The following PTPRD variants were observed in gnomAD, a reference collection of about 807,000 sequenced individuals.
PTPRD encodes protein tyrosine phosphatase receptor type D, also known as receptor-type tyrosine-protein phosphatase delta.
A neutral mutation model predicts 214.5 loss-of-function variants in PTPRD; 34 were observed. The observed-to-expected ratio is 0.16, with a 90% confidence interval of 0.12 to 0.21. PTPRD has a LOEUF of 0.21. PTPRD is among the 10% of genes least tolerant of loss of function. PTPRD has a pLI of 1.00. For missense variants in PTPRD, 2,545 were observed against 2,398.7 expected (o/e 1.06, Z -1.27); for synonymous variants, 1,128 against 845.7 (o/e 1.33, Z -5.79).
rs541096977 is a variant in PTPRD at position 8,973,200 on chromosome 9, A to G, written c.-104+45497T>C. On this transcript the variant is annotated intron_variant, in intron 11 of 45. Coordinates refer to ENST00000381196, the MANE Select transcript of PTPRD (RefSeq NM_002839.4). ...ATAATACTCAATAGGTAGTTTTTCAACCCACTCCCTCCTCCTTCTCTCCTC... is the reference window on the plus strand; with the variant it reads ...ATAATACTCAATAGGTAGTTTTTCAGCCCACTCCCTCCTCCTTCTCTCCTC... Among the ~76,000 whole-genome samples, 255 of 151,990 alleles carry G rather than the reference A, an allele frequency of 1.7e-3. 1 individual carries two copies. The highest frequency in any genetic ancestry group is 5.9e-3 in the African/African-American group (245 of 41,504).
At chr9:10,366,822 T>C (rs1332969098) in intron 2 of PTPRD, among the ~76,000 whole-genome samples, 1 of 152,178 alleles carries the variant, frequency 6.6e-6, no homozygotes, top group East Asian at 1.9e-4. Flanking sequence ...TAATTCTCCT[T>C]GGCAAAACTG....
At chr9:10,296,297 C>A (rs898539962) in intron 3 of PTPRD, among the ~76,000 whole-genome samples, 1 of 151,816 alleles carries the variant, frequency 6.6e-6, no homozygotes, top group African/African-American at 2.4e-5. Context: ...AGAAATTGAC[C>A]CTTCTGGTAT....
In PTPRD at chr9:9,667,460, A is replaced by G. The variant is rs573398432; in HGVS notation, c.-287+67073T>C. On this transcript the variant is annotated intron_variant, in intron 7 of 45. Coordinates refer to ENST00000381196, the MANE Select transcript of PTPRD (RefSeq NM_002839.4). Reference sequence around the variant, plus strand: ...TCACTGGTTTGCCCGAAAGTCATAAAATAGTTTATGTTCATTCATTTTACA... The same window carrying G: ...TCACTGGTTTGCCCGAAAGTCATAAGATAGTTTATGTTCATTCATTTTACA... Among the ~76,000 whole-genome samples the G allele has an allele frequency of 2.8e-3, 432 of 152,270 alleles. 2 individuals are homozygous for G. Among genetic ancestry groups the G allele is most frequent in the African/African-American group, 9.8e-3 (408 of 41,574 alleles).
intron 44 of PTPRD, among the ~76,000 whole-genome samples, chr9:8,323,994 C>G (rs925502575): frequency 3.3e-5 from 5 of 152,116 alleles, no homozygotes; most frequent in East Asian, 1.9e-4. Context: ...CCACCTCACC[C>G]TTCAGAAACC....
chr9:9,125,665 C>T (rs1197086346), intron 10 of PTPRD, among the ~76,000 whole-genome samples: 4 of 152,172 alleles, frequency 2.6e-5, no homozygotes, highest in Non-Finnish European at 4.4e-5. Context: ...GTGAGAATCA[C>T]TGATCTAAAC....
chr9:9,894,812 T>C (rs1411355811), intron 5 of PTPRD, among the ~76,000 whole-genome samples: 1 of 152,114 alleles, frequency 6.6e-6, no homozygotes, highest in East Asian at 1.9e-4. Context: ...TACACGGTAA[T>C]AAGTGTTTTT....
At chr9:9,927,117 C>G (rs533232402) in intron 5 of PTPRD, among the ~76,000 whole-genome samples, 1 of 152,136 alleles carries the variant, frequency 6.6e-6, no homozygotes, top group East Asian at 1.9e-4. Flanking sequence ...TTGTAATAAC[C>G]ATTATATACT....
At chr9:9,632,687 A>C (rs66515335) in intron 7 of PTPRD, among the ~76,000 whole-genome samples, 3 of 151,978 alleles carry the variant, frequency 2.0e-5, no homozygotes, top group Non-Finnish European at 4.4e-5. Flanking sequence ...TTTTATGTAG[A>C]ACATAAACCC....
At chr9:9,010,929 G>A (rs947584314) in intron 11 of PTPRD, among the ~76,000 whole-genome samples, 2 of 152,080 alleles carry the variant, frequency 1.3e-5, no homozygotes, top group Non-Finnish European at 2.9e-5. Context: ...CCTCACGAAA[G>A]TATGAATAAA....
chr9:10,031,625 C>CAT (rs1171466919), intron 4 of PTPRD, among the ~76,000 whole-genome samples: 2,795 of 87,040 alleles, frequency 0.032, 185 homozygotes, highest in Admixed American at 0.059. Context: ...TAAAAAACTC[C>CAT]ATATATATAT....
At chr9:8,809,434 G>A (rs566909250) in intron 11 of PTPRD, among the ~76,000 whole-genome samples, 1 of 152,068 alleles carries the variant, frequency 6.6e-6, no homozygotes, top group African/African-American at 2.4e-5. Flanking sequence ...CCTAACAGTG[G>A]AGCCAATAAC....
intron 10 of PTPRD, among the ~76,000 whole-genome samples, chr9:9,062,240 T>C (rs891248591): frequency 1.3e-5 from 2 of 152,164 alleles, no homozygotes; most frequent in African/African-American, 4.8e-5. Flanking sequence ...AAAGCACAGT[T>C]TGACCTTCAT....
intron 2 of PTPRD, among the ~76,000 whole-genome samples, chr9:10,600,443 G>A (rs557457780): frequency 1.3e-4 from 19 of 151,790 alleles, no homozygotes; most frequent in Admixed American, 7.2e-4. Flanking sequence ...CTCTATACAT[G>A]CCATACTCAA....
At chr9:9,998,549 C>T (rs2096227577) in intron 4 of PTPRD, among the ~76,000 whole-genome samples, 1 of 96,484 alleles carries the variant, frequency 1.0e-5, no homozygotes, top group Admixed American at 1.1e-4. Context: ...ATCATGATAG[C>T]TCTACTAGTC....
intron 8 of PTPRD, among the ~76,000 whole-genome samples, chr9:9,530,525 C>T (rs1012608267): frequency 6.6e-5 from 10 of 152,022 alleles, no homozygotes; most frequent in African/African-American, 2.4e-4. Context: ...AAGCCCAGGA[C>T]CACATTGCTT....
chr9:8,777,640 T>C (rs1179073586), intron 11 of PTPRD, among the ~76,000 whole-genome samples: 1 of 152,172 alleles, frequency 6.6e-6, no homozygotes, highest in Admixed American at 6.5e-5. Flanking sequence ...GTCCAACACT[T>C]AGCAATCTTA....
chr9:9,429,235 T>C (rs1161282870), intron 8 of PTPRD, among the ~76,000 whole-genome samples: 4 of 152,062 alleles, frequency 2.6e-5, no homozygotes, highest in Non-Finnish European at 4.4e-5. Context: ...ACTGATCCCG[T>C]AGAGATACAA....
At chr9:9,598,196 T>C (rs991268252) in intron 7 of PTPRD, among the ~76,000 whole-genome samples, 3 of 151,810 alleles carry the variant, frequency 2.0e-5, no homozygotes, top group African/African-American at 7.3e-5. Flanking sequence ...AGTAAAGGGG[T>C]TGCCAATGAG....
At chr9:9,529,468 T>C (rs559703151) in intron 8 of PTPRD, among the ~76,000 whole-genome samples, 80 of 152,268 alleles carry the variant, frequency 5.3e-4, no homozygotes, top group Admixed American at 1.6e-3. Flanking sequence ...AACATGTTTT[T>C]AAAGTCATTA....
Sources: gnomAD v4.1 joint callset for allele counts (sites outside exome capture counted in the v4.1 genomes callset) on GRCh38, gnomAD v4.1.1 for gene constraint, MANE v1.5 for transcripts, NCBI Gene and HGNC (gene_info 2026-07-23, HGNC 2026-07-21) for gene names.